The following CNTNAP4 variants were observed in gnomAD, a reference collection of about 807,000 sequenced individuals.
The protein encoded by CNTNAP4 is contactin associated protein family member 4.
Under a neutral mutation model 148.4 loss-of-function variants are expected in CNTNAP4, and 98 were observed. The observed-to-expected ratio is 0.66, with a 90% CI of 0.56 to 0.78. The LOEUF (loss-of-function observed/expected upper bound fraction) is 0.78. Ranked by LOEUF, CNTNAP4 falls within the 30% of genes least tolerant of loss-of-function variation. The pLI is 0.00. For synonymous variants in CNTNAP4, 730 were observed against 565.1 expected, an observed-to-expected ratio of 1.29 and a Z score of -4.14; for missense variants, 1,935 against 1,565.6, an observed-to-expected ratio of 1.24 and a Z score of -3.98.
intron 1 of CNTNAP4, among the ~76,000 whole-genome samples, chr16:76,281,045 T>C (rs1212957471): frequency 6.6e-6 from 1 of 152,104 alleles, no homozygotes; most frequent in African/African-American, 2.4e-5. Flanking sequence ...ACTGTGTTCT[T>C]TCTTTTCTCT....
intron 4 of CNTNAP4, among the ~76,000 whole-genome samples, chr16:76,430,695 C>G (rs934209181): frequency 1.3e-5 from 2 of 152,168 alleles, no homozygotes; most frequent in African/African-American, 4.8e-5. Context: ...CTCATCTGCA[C>G]CAAATTAACG....
chr16:76,466,820 C>G (rs1276011085), intron 9 of CNTNAP4, among the ~76,000 whole-genome samples: 1 of 151,922 alleles, frequency 6.6e-6, no homozygotes, highest in Non-Finnish European at 1.5e-5. Context: ...GTATGTGGTT[C>G]CTTTATGTAT....
chr16:76,358,144 G>A (rs1375137616), intron 3 of CNTNAP4, among the ~76,000 whole-genome samples: 1 of 152,114 alleles, frequency 6.6e-6, no homozygotes, highest in Non-Finnish European at 1.5e-5. Context: ...GACCAGCCTG[G>A]CCAACATGGT....
At chr16:76,532,063 C>T (rs1465561091) in intron 17 of CNTNAP4, among the ~76,000 whole-genome samples, 1 of 152,110 alleles carries the variant, frequency 6.6e-6, no homozygotes, top group Non-Finnish European at 1.5e-5. Context: ...TTGTAGTAAT[C>T]TTGTGTTTCC....
intron 13 of CNTNAP4, among the ~76,000 whole-genome samples, chr16:76,492,878 G>A (rs1428599264): frequency 4.0e-5 from 6 of 151,664 alleles, no homozygotes; most frequent in Non-Finnish European, 7.4e-5. Context: ...GCAGCATGAA[G>A]GCAGACTAAT....
chr16:76,521,005 A>C, intron 15 of CNTNAP4, 135 bp from the exon 16 acceptor site: 2 of 768,340 alleles, frequency 2.6e-6, no homozygotes, highest in South Asian at 3.6e-5. Flanking sequence ...TTGACAGAAA[A>C]AAAGAGCAGA....
At chr16:76,354,017 A>C (rs1223610818) in intron 2 of CNTNAP4, among the ~76,000 whole-genome samples, 1 of 152,178 alleles carries the variant, frequency 6.6e-6, no homozygotes, top group Non-Finnish European at 1.5e-5. Context: ...ATATAAATTA[A>C]TGGTAATCTG....
intron 17 of CNTNAP4, among the ~76,000 whole-genome samples, chr16:76,534,968 C>T (rs957228826): frequency 6.6e-6 from 1 of 152,168 alleles, no homozygotes; most frequent in African/African-American, 2.4e-5. Flanking sequence ...GCATAAAACA[C>T]TGAACACTAG....
chr16:76,557,390 C>T (rs1281530367), intron 23 of CNTNAP4: 1 of 152,162 alleles, frequency 6.6e-6, no homozygotes, highest in African/African-American at 2.4e-5. Context: ...TAATTCAGTT[C>T]ACAACTCAAA....
At chr16:76,303,880 A>C (rs1960226516) in intron 1 of CNTNAP4, among the ~76,000 whole-genome samples, 1 of 151,980 alleles carries the variant, frequency 6.6e-6, no homozygotes, top group Non-Finnish European at 1.5e-5. Context: ...TTTAAGAGGG[A>C]AGGATAGCCA....
chr16:76,427,689 A>G, intron 4 of CNTNAP4, 90 bp downstream of exon 4: 2 of 1,268,022 alleles, frequency 1.6e-6, no homozygotes, highest in South Asian at 1.6e-5. Flanking sequence ...CTTTTTAGCT[A>G]CATAAAGAGG....
intron 2 of CNTNAP4, among the ~76,000 whole-genome samples, chr16:76,339,899 A>G (rs781372787): frequency 5.3e-5 from 8 of 152,226 alleles, no homozygotes; most frequent in Non-Finnish European, 1.2e-4. Context: ...TTTATATTAC[A>G]AAGCTCTTAT....
chr16:76,288,980 TCTGTCATAATCC>T (rs748263422), intron 1 of CNTNAP4, among the ~76,000 whole-genome samples: 4 of 152,232 alleles, frequency 2.6e-5, no homozygotes, highest in Non-Finnish European at 5.9e-5. Context: ...CATATTCTAG[TCTGTCATAATCC>T]ATTATGGTAC....
In CNTNAP4 at chr16:76,498,570, C is replaced by A. The variant is rs748587038; in HGVS notation, c.2241C>A (p.Thr747=). Residue 747 remains threonine (T), a synonymous_variant, in exon 15 of 24, where the codon ACC becomes ACA. Transcript: ENST00000611870. ...TGTTGTTGCTATTGTTTTTTAGGAC[C>A]AATGACACTGGATTGCTTGCTTATA... The part of the protein sequence containing the change: ...CNCDADRNEW[T]NDTGLLAYKE... 6.2e-6 allele frequency: 10 copies of A among 1,608,422 alleles called. No homozygotes were observed. In the East Asian group the frequency reaches 1.1e-4, roughly 18 times the overall value.
intron 12 of CNTNAP4, among the ~76,000 whole-genome samples, chr16:76,489,398 G>T (rs1219453478): frequency 1.3e-5 from 2 of 151,998 alleles, no homozygotes; most frequent in Non-Finnish European, 2.9e-5. Context: ...AAAATAATCA[G>T]ATTTCTTAAT....
chr16:76,372,777 T>G (rs866480023), intron 3 of CNTNAP4, among the ~76,000 whole-genome samples: 6 of 152,214 alleles, frequency 3.9e-5, no homozygotes, highest in Admixed American at 6.5e-5. Flanking sequence ...GAAAATGGAC[T>G]AATACATTGG....
At chr16:76,411,836 A>G (rs2078807153) in intron 3 of CNTNAP4, among the ~76,000 whole-genome samples, 2 of 151,404 alleles carry the variant, frequency 1.3e-5, no homozygotes, top group East Asian at 3.9e-4. Flanking sequence ...CACATTCAGA[A>G]AAAGACAAAA....
chr16:76,324,721 G>A (rs781170636), intron 2 of CNTNAP4, among the ~76,000 whole-genome samples: 1 of 152,110 alleles, frequency 6.6e-6, no homozygotes, highest in African/African-American at 2.4e-5. Flanking sequence ...GGGCCCTTTT[G>A]CTGGCTTACT....
At chr16:76,558,364 T>G in intron 23 of CNTNAP4, 126 bp from the exon 24 acceptor site, 1 of 546,284 alleles carries the variant, frequency 1.8e-6, no homozygotes, top group Non-Finnish European at 3.2e-6. Flanking sequence ...GTTTTTATAT[T>G]TCCAATTTAT....
Sources: allele counts gnomAD v4.1 joint callset (sites outside exome capture counted in the v4.1 genomes callset), GRCh38; gene constraint gnomAD v4.1.1; transcripts MANE v1.5; gene names NCBI Gene and HGNC (gene_info 2026-07-23, HGNC 2026-07-21).